The following HECW2 variants were observed in gnomAD, a reference collection of about 807,000 sequenced individuals.
HECW2 encodes the protein E3 ubiquitin-protein ligase HECW2.
A neutral mutation model predicts 175.2 loss-of-function variants in HECW2; 61 were observed. The observed-to-expected ratio is 0.35, with a 90% confidence interval of 0.28 to 0.43. The LOEUF (loss-of-function observed/expected upper bound fraction) is 0.43, where lower values mean the gene tolerates loss of function less well. Ranked by LOEUF, HECW2 falls within the 20% of genes least tolerant of loss-of-function variation. HECW2 has a pLI of 1.00. For synonymous variants in HECW2, 671 were observed against 731.0 expected (o/e 0.92, Z 1.32); for missense variants, 1,524 against 2,000.5 (o/e 0.76, Z 4.54).
At position 196,451,074 on chromosome 2, in the gene HECW2, G is replaced by T. The variant is rs1047306794; in HGVS notation, c.-35-17616C>A. Reference sequence around the variant, plus strand: ...AATAAAATATTTTTATTAATTAAAAGGAATTGAAACACTGCAGTATTACAT... The same window carrying T: ...AATAAAATATTTTTATTAATTAAAATGAATTGAAACACTGCAGTATTACAT... On this transcript the variant is annotated intron_variant, in intron 1 of 28. Coordinates refer to ENST00000644978, the MANE Select transcript of HECW2 (RefSeq NM_001348768.2). 1.3e-5 allele frequency among the ~76,000 whole-genome samples: 2 copies of T among 151,992 alleles called. 1 individual carries two copies. The highest frequency in any genetic ancestry group is 2.9e-5 in the Non-Finnish European group (2 of 67,998).
chr2:196,384,541 T>C (rs1306994882), intron 2 of HECW2, among the ~76,000 whole-genome samples: 1 of 152,082 alleles, frequency 6.6e-6, no homozygotes, highest in Non-Finnish European at 1.5e-5. Context: ...GAGACAGCAC[T>C]ACTATACTCC....
intron 2 of HECW2, among the ~76,000 whole-genome samples, chr2:196,416,886 T>C (rs1695270533): frequency 6.6e-6 from 1 of 152,252 alleles, no homozygotes. Flanking sequence ...AACCTGCCAT[T>C]GAATTTGGTG....
chr2:196,548,351 A>G (rs1689493265), intron 1 of HECW2, among the ~76,000 whole-genome samples: 1 of 151,694 alleles, frequency 6.6e-6, no homozygotes, highest in African/African-American at 2.4e-5. Flanking sequence ...AAAGAAAAGA[A>G]GAAAAAGAAA....
intron 2 of HECW2, among the ~76,000 whole-genome samples, chr2:196,370,795 G>T (rs1307661621): frequency 6.6e-6 from 1 of 152,126 alleles, no homozygotes; most frequent in Non-Finnish European, 1.5e-5. Flanking sequence ...GCTTTCTGCT[G>T]TGACAATACA....
At chr2:196,205,290 C>T (rs1687028075) in intron 28 of HECW2, among the ~76,000 whole-genome samples, 1 of 152,174 alleles carries the variant, frequency 6.6e-6, no homozygotes, top group South Asian at 2.1e-4. Context: ...GACCTCAGTT[C>T]TGGGTCTCCT....
At chr2:196,235,496 CTA>C (rs1417042034) in intron 21 of HECW2, among the ~76,000 whole-genome samples, 1 of 152,042 alleles carries the variant, frequency 6.6e-6, no homozygotes, top group Non-Finnish European at 1.5e-5. Context: ...AAATTTCTGA[CTA>C]TAAATTTTCC....
chr2:196,508,495 A>T (rs1427588899), intron 1 of HECW2, among the ~76,000 whole-genome samples: 1 of 152,246 alleles, frequency 6.6e-6, no homozygotes, highest in Non-Finnish European at 1.5e-5. Context: ...TTCAAAGTTC[A>T]CGGATTATAA....
intron 1 of HECW2, among the ~76,000 whole-genome samples, chr2:196,458,436 T>TTA (rs1553519547): frequency 6.8e-6 from 1 of 146,826 alleles, no homozygotes; most frequent in Non-Finnish European, 1.5e-5. Context: ...TCTCACTCAC[T>TTA]CACACACACA....
At chr2:196,458,800 A>C (rs913705164) in intron 1 of HECW2, among the ~76,000 whole-genome samples, 1 of 152,188 alleles carries the variant, frequency 6.6e-6, no homozygotes, top group African/African-American at 2.4e-5. Context: ...CAGGAGGAGG[A>C]GGTTGCAGTG....
intron 2 of HECW2, among the ~76,000 whole-genome samples, chr2:196,422,510 A>G (rs1695433816): frequency 6.6e-6 from 1 of 152,080 alleles, no homozygotes; most frequent in Non-Finnish European, 1.5e-5. Flanking sequence ...TCTAATATGG[A>G]AAAAATAAAG....
At chr2:196,527,685 A>G (rs1688715705) in intron 1 of HECW2, among the ~76,000 whole-genome samples, 1 of 152,228 alleles carries the variant, frequency 6.6e-6, no homozygotes, top group South Asian at 2.1e-4. Flanking sequence ...ACAAAACAGA[A>G]TACTATATCT....
chr2:196,484,348 A>G (rs1050561042), intron 1 of HECW2, among the ~76,000 whole-genome samples: 8 of 152,154 alleles, frequency 5.3e-5, no homozygotes, highest in African/African-American at 1.4e-4. Flanking sequence ...TATACTGCAC[A>G]CTCATTAAGT....
chr2:196,332,592 A>G (rs763730039), intron 4 of HECW2, among the ~76,000 whole-genome samples: 1 of 152,216 alleles, frequency 6.6e-6, no homozygotes, highest in African/African-American at 2.4e-5. Flanking sequence ...GCAAAAATCA[A>G]TGGAATAAGA....
At chr2:196,359,095 A>G (rs1208632967) in intron 2 of HECW2, among the ~76,000 whole-genome samples, 5 of 152,206 alleles carry the variant, frequency 3.3e-5, no homozygotes, top group Non-Finnish European at 7.3e-5. Flanking sequence ...GTAAAGAGTT[A>G]CCAGGAATGA....
intron 1 of HECW2, among the ~76,000 whole-genome samples, chr2:196,541,220 C>A (rs1317375566): frequency 6.6e-6 from 1 of 152,062 alleles, no homozygotes; most frequent in African/African-American, 2.4e-5. Context: ...TATTTGTTAA[C>A]AAACCTCTTT....
intron 1 of HECW2, among the ~76,000 whole-genome samples, chr2:196,463,895 T>A (rs1696842856): frequency 6.6e-6 from 1 of 152,198 alleles, no homozygotes; most frequent in Non-Finnish European, 1.5e-5. Context: ...CAAATCAAAC[T>A]ATGCTGAAAG....
In HECW2 at chr2:196,221,107, C is replaced by A. The variant is rs115118417; in HGVS notation, c.4147-166G>T. Among the ~76,000 whole-genome samples the A allele has an allele frequency of 0.02, 2,975 of 152,234 alleles. 93 individuals carry two copies. The highest frequency in any genetic ancestry group is 0.068 in the African/African-American group (2,828 of 41,504). On this transcript the variant is annotated intron_variant, in intron 24 of 28. Coordinates refer to ENST00000644978, the MANE Select transcript of HECW2 (RefSeq NM_001348768.2). ...CAGGCACTCACGGAGCACACACACT[C>A]AGGAAAAAATAGGCATTGAGGGGGT...
chr2:196,589,573 G>A (rs1189668144), intron 1 of HECW2, among the ~76,000 whole-genome samples: 1 of 152,186 alleles, frequency 6.6e-6, no homozygotes, highest in African/African-American at 2.4e-5. Flanking sequence ...ACACAAGGGA[G>A]TACAGAAAAC....
At chr2:196,348,836 T>C (rs2045273) in intron 2 of HECW2, among the ~76,000 whole-genome samples, 40,211 of 152,096 alleles carry the variant, frequency 0.26, 6,963 homozygotes, top group African/African-American at 0.49. Flanking sequence ...TTCTCGTTTC[T>C]CTTAACAATT....
Sources: allele counts gnomAD v4.1 joint callset (sites outside exome capture counted in the v4.1 genomes callset), GRCh38; gene constraint gnomAD v4.1.1; transcripts MANE v1.5; gene names NCBI Gene and HGNC (gene_info 2026-07-23, HGNC 2026-07-21).